IL7: variants seen among roughly 807,000 people sequenced by gnomAD.
IL7 encodes interleukin 7.
In IL7, 3 loss-of-function variants were observed where a neutral mutation model predicts 21.6. The ratio of observed to expected loss-of-function variants is 0.14; its 90% CI spans 0.06 to 0.36. The LOEUF is 0.36. Ranked by LOEUF, IL7 falls within the 10% of genes least tolerant of loss-of-function variation. The probability of loss-of-function intolerance (pLI) is 1.00; values close to 1 mark genes in which losing one functional copy is unlikely to be tolerated. For synonymous variants in IL7, 62 were observed against 68.1 expected (o/e 0.91, Z 0.44); for missense variants, 175 against 200.2 (o/e 0.87, Z 0.76).
chr8:78,760,585 T>G, intron 2 of IL7: 1 of 1,556,466 alleles, frequency 6.4e-7, no homozygotes, highest in Non-Finnish European at 8.7e-7. Flanking sequence ...TGAATTTGAG[T>G]TGTCCCATGA....
At chr8:78,708,447 G>A (rs1413584867) in intron 3 of IL7, among the ~76,000 whole-genome samples, 2 of 152,012 alleles carry the variant, frequency 1.3e-5, no homozygotes, top group African/African-American at 2.4e-5. Flanking sequence ...GGAGAGTGAG[G>A]TGGGAGAGTC....
chr8:78,759,335 C>T (rs565394477), intron 2 of IL7, among the ~76,000 whole-genome samples: 1 of 150,640 alleles, frequency 6.6e-6, no homozygotes, highest in Non-Finnish European at 1.5e-5. Flanking sequence ...CTAGATAAAC[C>T]ACAACACTTA....
intron 4 of IL7, among the ~76,000 whole-genome samples, chr8:78,676,706 A>G (rs1218505984): frequency 6.6e-6 from 1 of 152,042 alleles, no homozygotes; most frequent in African/African-American, 2.4e-5. Context: ...GGCACCTTTT[A>G]AATAATGATG....
At chr8:78,704,207 G>A (rs556795927) in intron 3 of IL7, among the ~76,000 whole-genome samples, 1 of 151,884 alleles carries the variant, frequency 6.6e-6, no homozygotes, top group East Asian at 1.9e-4. Context: ...TGTGGTGAAA[G>A]CCTGTCTCTA....
exon 5 of IL7, chr8:78,675,993 A>G: frequency 1.5e-6 from 1 of 649,072 alleles, no homozygotes; most frequent in Non-Finnish European, 2.5e-6. Context: ...TTCTTTGTTC[A>G]AGGGTCTTGA....
intron 2 of IL7, among the ~76,000 whole-genome samples, chr8:78,771,193 T>C (rs769353734): frequency 3.8e-4 from 53 of 139,502 alleles, no homozygotes; most frequent in Non-Finnish European, 2.2e-4. Context: ...ATTGTGGTTT[T>C]CATTGCATAT....
downstream of IL7, among the ~76,000 whole-genome samples, chr8:78,730,596 C>A (rs1412528388): frequency 2.0e-5 from 3 of 151,872 alleles, no homozygotes; most frequent in Admixed American, 6.6e-5. Flanking sequence ...TCATACCCAT[C>A]TTTAAGTAAA....
At chr8:78,768,826 C>T (rs1422558707) in intron 2 of IL7, among the ~76,000 whole-genome samples, 1 of 152,144 alleles carries the variant, frequency 6.6e-6, no homozygotes, top group African/African-American at 2.4e-5. Flanking sequence ...CGTCAAGAAG[C>T]TTATCCACCT....
intron 2 of IL7, among the ~76,000 whole-genome samples, chr8:78,749,970 G>A (rs1184844804): frequency 6.6e-6 from 1 of 152,064 alleles, no homozygotes; most frequent in East Asian, 1.9e-4. Context: ...GGAGGTCAAG[G>A]CTGCAGTGAG....
chr8:78,711,781 G>C (rs1810957877), intron 3 of IL7, among the ~76,000 whole-genome samples: 1 of 152,010 alleles, frequency 6.6e-6, no homozygotes, highest in South Asian at 2.1e-4. Flanking sequence ...AGGGTAGCCT[G>C]TGTAGTCAGA....
intron 2 of IL7, among the ~76,000 whole-genome samples, chr8:78,793,195 A>G (rs114047599): frequency 0.011 from 1,732 of 152,300 alleles, 33 homozygotes; most frequent in African/African-American, 0.04. Flanking sequence ...GCAAATTCCT[A>G]GAGACAGAAA....
chr8:78,742,347 A>T (rs1811815462), intron 2 of IL7, among the ~76,000 whole-genome samples: 1 of 152,056 alleles, frequency 6.6e-6, no homozygotes, highest in Admixed American at 6.6e-5. Context: ...AAATAAAAAG[A>T]AACAAATCAT....
At chr8:78,710,454 T>C (rs1810917456) in intron 3 of IL7, among the ~76,000 whole-genome samples, 1 of 152,110 alleles carries the variant, frequency 6.6e-6, no homozygotes, top group African/African-American at 2.4e-5. Context: ...TAGGTTTTTA[T>C]TATATTTTAC....
At chr8:78,702,544 T>C (rs907795389) in intron 3 of IL7, among the ~76,000 whole-genome samples, 1 of 152,154 alleles carries the variant, frequency 6.6e-6, no homozygotes, top group African/African-American at 2.4e-5. Context: ...GTTCTTTTAG[T>C]TGTGATCTTT....
chr8:78,713,114 T>C (rs994030193), downstream of IL7, among the ~76,000 whole-genome samples: 1 of 151,972 alleles, frequency 6.6e-6, no homozygotes, highest in African/African-American at 2.4e-5. Context: ...TTAAGTACAA[T>C]TCCAAAATTA....
chr8:78,761,213 A>G, intron 2 of IL7: 1 of 1,594,114 alleles, frequency 6.3e-7, no homozygotes, highest in Non-Finnish European at 8.5e-7. Context: ...AAGAACAGAA[A>G]TTACGTTGTC....
intron 2 of IL7, among the ~76,000 whole-genome samples, chr8:78,787,628 G>C (rs990606681): frequency 1.3e-5 from 2 of 151,996 alleles, no homozygotes; most frequent in African/African-American, 4.8e-5. Context: ...GTGCTCATTT[G>C]GTCTTCAAGT....
In IL7 at chr8:78,760,216, C is replaced by A; in HGVS notation, c.148-20134G>T. 3.1e-6 allele frequency: 5 copies of A among 1,591,608 alleles called. No individual in the cohort carries two copies. In the South Asian group the frequency reaches 5.7e-5, roughly 18 times the overall value. On this transcript the variant is annotated intron_variant, in intron 2 of 5. Coordinates refer to ENST00000263851, the MANE Select transcript of IL7 (RefSeq NM_000880.4). ...CTTGTATAGAGTTTAATATATGTGTCCACCATTAAATCCAGGTCGTGTTTT... is the reference window on the plus strand; with the variant it reads ...CTTGTATAGAGTTTAATATATGTGTACACCATTAAATCCAGGTCGTGTTTT...
At position 78,687,058 on chromosome 8, in the gene IL7, T is replaced by G. The variant is rs1222733516; in HGVS notation, n.215-1111A>C. On this transcript the variant is annotated intron_variant and non_coding_transcript_variant, in intron 3 of 4. Transcript: ENST00000523959. ...AATTCATGTGGCTCGACTACATTTATGGCTTAAATTTGTATATTGTTAAAT... is the reference window on the plus strand; with the variant it reads ...AATTCATGTGGCTCGACTACATTTAGGGCTTAAATTTGTATATTGTTAAAT... 3.3e-5 allele frequency among the ~76,000 whole-genome samples: 5 copies of G among 152,166 alleles called. No homozygotes were observed. The East Asian group carries it at 9.6e-4, about 29-fold the overall frequency.
Sources: gnomAD v4.1 joint callset for allele counts (sites outside exome capture counted in the v4.1 genomes callset) on GRCh38, gnomAD v4.1.1 for gene constraint, MANE v1.5 for transcripts, NCBI Gene and HGNC (gene_info 2026-07-23, HGNC 2026-07-21) for gene names.